The following TRIO variants were observed in gnomAD, a reference collection of about 807,000 sequenced individuals.
TRIO encodes the protein triple functional domain protein.
A neutral mutation model predicts 351.9 loss-of-function variants in TRIO; 58 were observed. The ratio of observed to expected loss-of-function variants is 0.16; its 90% CI spans 0.13 to 0.21. The LOEUF is 0.21. Ranked by LOEUF, TRIO falls within the 10% of genes least tolerant of loss-of-function variation. TRIO has a pLI of 1.00. For synonymous variants in TRIO, 1,758 were observed against 1,595.7 expected (o/e 1.10, Z -2.42); for missense variants, 3,201 against 4,027.8 (o/e 0.79, Z 5.56).
At chr5:14,305,357 C>A (rs761197513) in intron 8 of TRIO, among the ~76,000 whole-genome samples, 1 of 152,198 alleles carries the variant, frequency 6.6e-6, no homozygotes, top group African/African-American at 2.4e-5. Context: ...GTTCCTCTGG[C>A]CCTTGAGACC....
chr5:14,286,938 A>G lies in TRIO; in HGVS notation c.415A>G (p.Lys139Glu). Residue 139 changes from lysine to glutamate, a missense_variant, in exon 4 of 57, where the codon AAG becomes GAG. Transcript: ENST00000344204. The surrounding 1 kb of genome is among the most constrained non-coding windows in gnomAD (Gnocchi z 4.4). ...DMRGSKWDSI[K>E]PLLKILQESF... is the part of the protein sequence containing the mutation. ...GCGTGGGTCCAAGTGGGACTCCATC[A>G]AGCCCCTTCTGAAGATCCTGCAGGA... is the stretch of plus-strand genomic sequence containing the variant. 1 of 1,614,182 alleles carries G rather than the reference A, an allele frequency of 6.2e-7. No individual in the cohort carries two copies. Among genetic ancestry groups the G allele is most frequent in the Non-Finnish European group, 8.5e-7 (1 of 1,180,012 alleles).
intron 33 of TRIO, among the ~76,000 whole-genome samples, chr5:14,417,225 T>C (rs187584317): frequency 2.2e-4 from 33 of 152,302 alleles, no homozygotes; most frequent in Middle Eastern, 3.4e-3. Context: ...ACGGAGAAGT[T>C]TGTAAGATTG....
At chr5:14,391,023 T>C (rs1747037814) in intron 27 of TRIO, 33 bp downstream of exon 27, 9 of 1,537,770 alleles carry the variant, frequency 5.9e-6, no homozygotes, top group Admixed American at 2.1e-5. Context: ...GACCATAATT[T>C]TCCAAGTTGT....
chr5:14,272,324 T>C (rs1457869334), intron 2 of TRIO, among the ~76,000 whole-genome samples: 1 of 152,222 alleles, frequency 6.6e-6, no homozygotes, highest in Non-Finnish European at 1.5e-5. Context: ...CAACCCCTCT[T>C]GTGTTTCTGA....
At chr5:14,372,538 G>T (rs949815515) in intron 18 of TRIO, among the ~76,000 whole-genome samples, 3 of 152,102 alleles carry the variant, frequency 2.0e-5, no homozygotes, top group Non-Finnish European at 2.9e-5. Flanking sequence ...CTTTGGCCTC[G>T]ATTAGCTAGA....
chr5:14,347,718 A>G (rs1479453746), intron 11 of TRIO, among the ~76,000 whole-genome samples: 2 of 152,270 alleles, frequency 1.3e-5, no homozygotes, highest in Admixed American at 6.5e-5. Context: ...GGATGACGTC[A>G]GCAGTGCTGG....
chr5:14,414,844 A>G (rs1184372992), intron 33 of TRIO, among the ~76,000 whole-genome samples: 1 of 152,168 alleles, frequency 6.6e-6, no homozygotes, highest in Non-Finnish European at 1.5e-5. Context: ...TTCACGTTAG[A>G]ACAGCTGCTG....
At chr5:14,307,219 CCTCT>C in intron 8 of TRIO, among the ~76,000 whole-genome samples, 1 of 152,158 alleles carries the variant, frequency 6.6e-6, no homozygotes, top group East Asian at 1.9e-4. Context: ...CTCCCCACTG[CCTCT>C]CTCTCCAGTC....
intron 1 of TRIO, among the ~76,000 whole-genome samples, chr5:14,186,505 A>G (rs560888416): frequency 1.4e-4 from 21 of 152,250 alleles, no homozygotes; most frequent in African/African-American, 4.3e-4. Flanking sequence ...CCTTACCTGC[A>G]CAGAGGCATG....
intron 34 of TRIO, among the ~76,000 whole-genome samples, chr5:14,438,364 T>G (rs1751761151): frequency 6.6e-6 from 1 of 152,242 alleles, no homozygotes; most frequent in South Asian, 2.1e-4. Flanking sequence ...ATAGACTCAT[T>G]CAGCAGATCA....
At chr5:14,196,641 T>C (rs1170485313) in intron 1 of TRIO, among the ~76,000 whole-genome samples, 2 of 152,172 alleles carry the variant, frequency 1.3e-5, no homozygotes, top group Non-Finnish European at 2.9e-5. Context: ...CATTATAACC[T>C]GTGCTCTCCC....
intron 53 of TRIO, 30 bp downstream of exon 53, chr5:14,498,670 G>A: frequency 6.2e-7 from 1 of 1,602,036 alleles, no homozygotes; most frequent in South Asian, 1.1e-5. Flanking sequence ...GATTCTACGT[G>A]ACCCAGTGGG....
chr5:14,460,483 TCCG>T (rs1753696280), intron 34 of TRIO, among the ~76,000 whole-genome samples: 3 of 152,214 alleles, frequency 2.0e-5, no homozygotes, highest in African/African-American at 7.2e-5. Flanking sequence ...TGTCATTTTA[TCCG>T]TAATAATTAC....
intron 11 of TRIO, among the ~76,000 whole-genome samples, chr5:14,340,258 G>A (rs1273780185): frequency 5.9e-5 from 9 of 152,048 alleles, no homozygotes; most frequent in African/African-American, 1.7e-4. Flanking sequence ...TTAGCCAGGC[G>A]TGGTGGCGGG....
rs542727781 is a variant in TRIO, at chr5:14,421,295, T to C, written c.5203+1274T>C. The stretch of plus-strand genomic sequence containing the variant: ...TATTTTATTTTATTTTTTCCTGTAA[T>C]GCAAGGAAACTCATAAGATTGTTCC... On this transcript the variant is annotated intron_variant, in intron 34 of 56. Transcript: ENST00000344204. Among the ~76,000 whole-genome samples, 5 of 150,180 alleles carry C rather than the reference T, an allele frequency of 3.3e-5. No individual in the cohort carries two copies. In the South Asian group the frequency reaches 1.0e-3, roughly 32 times the overall value.
chr5:14,508,505 A>C lies in TRIO; in HGVS notation c.*83A>C. The C allele has an allele frequency of 6.8e-7, 1 of 1,478,064 alleles. No individual in the cohort carries two copies. Among genetic ancestry groups the C allele is most frequent in the Non-Finnish European group, 9.1e-7 (1 of 1,095,972 alleles). The allele number at this position is 1,478,064 out of a possible 1,614,324, so 91.6% of individuals were successfully genotyped here. ...TTTTCAAGAGAAAACAAGCAAACAT[A>C]ACTGATCAGCTGCCGGTATGTTCAT... On this transcript the variant is annotated 3_prime_UTR_variant, in exon 57 of 57. Transcript: ENST00000344204.
chr5:14,432,834 C>T (rs1424396570), intron 34 of TRIO, among the ~76,000 whole-genome samples: 1 of 152,190 alleles, frequency 6.6e-6, no homozygotes, highest in African/African-American at 2.4e-5. Flanking sequence ...GCTTGTTCTC[C>T]TTTGCTCTTC....
intron 1 of TRIO, among the ~76,000 whole-genome samples, chr5:14,179,427 ATATT>A (rs1227155044): frequency 6.6e-6 from 1 of 151,944 alleles, no homozygotes; most frequent in Non-Finnish European, 1.5e-5. Context: ...AGTAATATAA[ATATT>A]TAAATAAATC....
chr5:14,227,361 C>T (rs189310602), intron 1 of TRIO, among the ~76,000 whole-genome samples: 31 of 152,300 alleles, frequency 2.0e-4, no homozygotes, highest in Non-Finnish European at 4.4e-5. Context: ...GGACAGGGAC[C>T]TCCTTTTGTG....
Sources: gnomAD v4.1 joint callset for allele counts (sites outside exome capture counted in the v4.1 genomes callset) on GRCh38, gnomAD v4.1.1 for gene constraint, Gnocchi (gnomAD v3.1) non-coding constraint, MANE v1.5 for transcripts, NCBI Gene and HGNC (gene_info 2026-07-23, HGNC 2026-07-21) for gene names.